The following DGKI variants were observed in gnomAD, a reference collection of about 807,000 sequenced individuals.
DGKI encodes the protein DAG kinase iota.
In DGKI, 55 loss-of-function variants were observed where a neutral mutation model predicts 147.5. That is an observed-to-expected ratio of 0.37 (90% CI 0.30 to 0.47). DGKI has a LOEUF of 0.47. Ranked by LOEUF, DGKI falls within the 20% of genes least tolerant of loss-of-function variation. DGKI has a pLI of 1.00. For synonymous variants in DGKI, 469 were observed against 477.1 expected, an observed-to-expected ratio of 0.98 and a Z score of 0.22; for missense variants, 1,007 against 1,323.8, an observed-to-expected ratio of 0.76 and a Z score of 3.71.
At chr7:137,561,683 T>C (rs1563086124) in intron 19 of DGKI, among the ~76,000 whole-genome samples, 1 of 152,148 alleles carries the variant, frequency 6.6e-6, no homozygotes, top group Non-Finnish European at 1.5e-5. Context: ...TCCATCAATA[T>C]GCACAATTAC....
intron 27 of DGKI, among the ~76,000 whole-genome samples, chr7:137,455,902 T>C (rs1225565394): frequency 6.6e-6 from 1 of 152,156 alleles, no homozygotes; most frequent in Non-Finnish European, 1.5e-5. Flanking sequence ...AACTTGAGAT[T>C]TGCAAGCGAA....
intron 30 of DGKI, among the ~76,000 whole-genome samples, chr7:137,398,654 ACAGAGATGTTATGGGATTT>A (rs1475062370): frequency 6.6e-6 from 1 of 152,112 alleles, no homozygotes; most frequent in African/African-American, 2.4e-5. Flanking sequence ...GGACAACATA[ACAGAGATGTTATGGGATTT>A]CATAATTCTC....
chr7:137,486,251 ATTAAGTTAG>A (rs1326861762), intron 22 of DGKI, among the ~76,000 whole-genome samples: 1 of 152,094 alleles, frequency 6.6e-6, no homozygotes, highest in African/African-American at 2.4e-5. Flanking sequence ...TAAGCATGCT[ATTAAGTTAG>A]TTAAGTTGGT....
At chr7:137,614,279 C>T (rs770391245) in intron 8 of DGKI, among the ~76,000 whole-genome samples, 3 of 151,968 alleles carry the variant, frequency 2.0e-5, no homozygotes, top group Non-Finnish European at 4.4e-5. Context: ...ATTTAGGGGA[C>T]CAAGTACAAA....
intron 1 of DGKI, among the ~76,000 whole-genome samples, chr7:137,700,714 C>T (rs1823947720): frequency 3.3e-5 from 5 of 151,996 alleles, no homozygotes; most frequent in Admixed American, 3.3e-4. Context: ...CTCTTCTCTA[C>T]TAAAAATACA....
intron 1 of DGKI, among the ~76,000 whole-genome samples, chr7:137,696,022 A>C (rs1011340914): frequency 1.3e-5 from 2 of 152,212 alleles, no homozygotes; most frequent in Non-Finnish European, 2.9e-5. Flanking sequence ...AGTTGCTGCT[A>C]TTATTGTTCG....
chr7:137,675,683 C>T (rs1469047977), intron 3 of DGKI, among the ~76,000 whole-genome samples: 1 of 107,706 alleles, frequency 9.3e-6, no homozygotes, highest in African/African-American at 3.3e-5. Flanking sequence ...AGACTACATC[C>T]AAAAAAAAAA....
At chr7:137,718,650 T>G (rs1794456144) in intron 1 of DGKI, among the ~76,000 whole-genome samples, 1 of 152,130 alleles carries the variant, frequency 6.6e-6, no homozygotes, top group Non-Finnish European at 1.5e-5. Context: ...CTCTGAAATG[T>G]GGACAACATA....
At chr7:137,393,015 C>G (rs187729873) in intron 32 of DGKI, among the ~76,000 whole-genome samples, 361 of 152,062 alleles carry the variant, frequency 2.4e-3, no homozygotes, top group African/African-American at 8.2e-3. Flanking sequence ...AAAAGTTATA[C>G]GATATCATGT....
chr7:137,681,097 G>A (rs1823220064), intron 2 of DGKI, among the ~76,000 whole-genome samples: 1 of 152,160 alleles, frequency 6.6e-6, no homozygotes, highest in African/African-American at 2.4e-5. Context: ...CAACGCACAG[G>A]GAGACCCTGG....
In DGKI at chr7:137,587,090, T is replaced by G; in HGVS notation, c.1425+7A>C. ...TGATATGGGCAGTCCCCGAGAGCAG[T>G]TCTTACCCCTCCCCAGTTGAGAGTT... On this transcript the variant is annotated splice_region_variant and intron_variant, in intron 13 of 32. Coordinates refer to ENST00000614521, the MANE Select transcript of DGKI (RefSeq NM_001321708.2). 1 of 1,585,928 alleles carries G rather than the reference T, an allele frequency of 6.3e-7. No homozygotes were observed.
chr7:137,723,462 A>G (rs899009322), intron 1 of DGKI, among the ~76,000 whole-genome samples: 4 of 152,308 alleles, frequency 2.6e-5, no homozygotes, highest in Middle Eastern at 3.4e-3. Flanking sequence ...CTATTCAGTC[A>G]GCTAGTATTT....
Position 137,587,087 on chromosome 7 carries a change from C to G in DGKI, c.1425+10G>C. ...TGATGATATGGGCAGTCCCCGAGAG[C>G]AGTTCTTACCCCTCCCCAGTTGAGA... On this transcript the variant is annotated intron_variant, in intron 13 of 32. Coordinates refer to ENST00000614521, the MANE Select transcript of DGKI (RefSeq NM_001321708.2). The G allele has an allele frequency of 6.4e-7, 1 of 1,571,952 alleles. No homozygotes were observed. Among genetic ancestry groups the G allele is most frequent in the Admixed American group, 2.0e-5 (1 of 50,814 alleles).
chr7:137,844,070 C>A (rs914646984), intron 1 of DGKI, among the ~76,000 whole-genome samples: 1 of 152,082 alleles, frequency 6.6e-6, no homozygotes, highest in Non-Finnish European at 1.5e-5. Context: ...ACCAAGGAGC[C>A]GACCCTCAGC....
At chr7:137,525,517 A>C (rs572011753) in intron 20 of DGKI, among the ~76,000 whole-genome samples, 218 of 152,292 alleles carry the variant, frequency 1.4e-3, no homozygotes, top group African/African-American at 5.0e-3. Flanking sequence ...CAAAGTGGTG[A>C]GGAGCTCAGG....
At chr7:137,423,404 G>C (rs1015344531) in intron 28 of DGKI, among the ~76,000 whole-genome samples, 4 of 152,156 alleles carry the variant, frequency 2.6e-5, no homozygotes, top group Non-Finnish European at 4.4e-5. Flanking sequence ...AAGGAACTTG[G>C]GGTGAACAAG....
chr7:137,646,508 T>C (rs1466883291), intron 5 of DGKI, among the ~76,000 whole-genome samples: 1 of 152,136 alleles, frequency 6.6e-6, no homozygotes, highest in Non-Finnish European at 1.5e-5. Flanking sequence ...AGCAGCGCCA[T>C]TCACCACTGG....
intron 21 of DGKI, among the ~76,000 whole-genome samples, chr7:137,494,400 G>T (rs1815884634): frequency 6.6e-6 from 1 of 151,884 alleles, no homozygotes; most frequent in South Asian, 2.1e-4. Flanking sequence ...ATGAAAGGAA[G>T]AAAGTTTAAG....
chr7:137,487,477 G>A, intron 22 of DGKI, 133 bp downstream of exon 22: 1 of 791,332 alleles, frequency 1.3e-6, no homozygotes, highest in South Asian at 1.5e-5. Context: ...TACAGCGTAT[G>A]CTTGAAGGAC....
Sources: allele counts gnomAD v4.1 joint callset (sites outside exome capture counted in the v4.1 genomes callset), GRCh38; gene constraint gnomAD v4.1.1; transcripts MANE v1.5; gene names NCBI Gene and HGNC (gene_info 2026-07-23, HGNC 2026-07-21).